Variants in IYD observed in about 807,000 individuals in gnomAD.
IYD encodes iodotyrosine deiodinase, also known as iodotyrosine deiodinase 1.
A neutral mutation model predicts 28.4 loss-of-function variants in IYD; 25 were observed. The observed-to-expected ratio is 0.88, with a 90% CI of 0.64 to 1.23. IYD has a LOEUF of 1.23. IYD is among the 50% of genes most tolerant of loss of function. IYD has a pLI of 0.00. For missense variants in IYD, 352 were observed against 357.9 expected (o/e 0.98, Z 0.13); for synonymous variants, 140 against 130.8 (o/e 1.07, Z -0.48).
chr6:150,394,080 A>T lies in IYD; in HGVS notation c.531-19A>T, dbSNP rs1778221246. 6.2e-7 allele frequency: 1 copy of T among 1,612,830 alleles called. No individual in the cohort carries two copies. Among genetic ancestry groups the T allele is most frequent in the South Asian group, 1.1e-5 (1 of 91,056 alleles). Reference sequence around the variant, plus strand: ...AAAATATGGGCAAATATTATCCTGAATCTCTTTTCTCTTCACAGAACCAAC... The same window carrying T: ...AAAATATGGGCAAATATTATCCTGATTCTCTTTTCTCTTCACAGAACCAAC... On this transcript the variant is annotated intron_variant, in intron 3 of 4. Coordinates refer to ENST00000344419, the MANE Select transcript of IYD (RefSeq NM_203395.3).
intron 2 of IYD, among the ~76,000 whole-genome samples, chr6:150,391,435 C>T (rs1427315824): frequency 2.0e-5 from 3 of 152,162 alleles, no homozygotes; most frequent in African/African-American, 7.2e-5. Flanking sequence ...TTCAAGATTA[C>T]TAAAACAAAT....
intron 3 of IYD, among the ~76,000 whole-genome samples, chr6:150,393,181 AC>A (rs1778188615): frequency 1.3e-5 from 2 of 152,194 alleles, no homozygotes. Flanking sequence ...TGCAATAACC[AC>A]AGGGGGTGGG....
In IYD at chr6:150,402,605, G is replaced by T. The variant is rs1000008153; in HGVS notation, c.*4368G>T. The T allele has an allele frequency of 6.6e-6, 1 of 152,176 alleles. No homozygotes were observed. The highest frequency in any genetic ancestry group is 1.5e-5 in the Non-Finnish European group (1 of 68,032). The allele number at this position is 152,176 out of a possible 1,614,324, so 9.4% of individuals were successfully genotyped here. A position where few individuals can be genotyped will look rare whatever the true frequency, so the allele number is the denominator to read the frequency against. On this transcript the variant is annotated 3_prime_UTR_variant, in exon 5 of 5. Coordinates refer to ENST00000344419, the MANE Select transcript of IYD (RefSeq NM_203395.3). ...AGGCATAAAGATTTTCTTCTGAAAC[G>T]CTAAGATCGGTTGATATTTGTCTAA... is the stretch of plus-strand genomic sequence containing the variant.
chr6:150,383,784 C>A, intron 1 of IYD, among the ~76,000 whole-genome samples: 1 of 107,714 alleles, frequency 9.3e-6, no homozygotes, highest in Non-Finnish European at 1.8e-5. Context: ...CATAATGAGA[C>A]CAAGTCTCTA....
chr6:150,385,266 T>A (rs1472856317), intron 1 of IYD: 1 of 152,198 alleles, frequency 6.6e-6, no homozygotes. Context: ...TATTTAGAAT[T>A]GTGGTGAGAA....
At position 150,369,261 on chromosome 6, in the gene IYD, T is replaced by C. The variant is rs776791955; in HGVS notation, c.178+52T>C. On this transcript the variant is annotated intron_variant, in intron 1 of 4. Coordinates refer to ENST00000344419, the MANE Select transcript of IYD (RefSeq NM_203395.3). Reference sequence around the variant, plus strand: ...CTTCGCTGTCGTGTTGTGTTGATGATGAGTGTGAGTCAATGGCAGGGCTTA... The same window carrying C: ...CTTCGCTGTCGTGTTGTGTTGATGACGAGTGTGAGTCAATGGCAGGGCTTA... The C allele has an allele frequency of 2.6e-6, 4 of 1,560,988 alleles. No individual in the cohort carries two copies. In the East Asian group the frequency reaches 9.0e-5, roughly 35 times the overall value.
At chr6:150,384,636 T>C (rs1471853125) in intron 1 of IYD, 1 of 152,206 alleles carries the variant, frequency 6.6e-6, no homozygotes. Flanking sequence ...TAGAATTTTT[T>C]TCTGTTGAAA....
chr6:150,394,966 T>C (rs1020944778), intron 4 of IYD, among the ~76,000 whole-genome samples: 2 of 152,228 alleles, frequency 1.3e-5, no homozygotes, highest in African/African-American at 4.8e-5. Context: ...TAGCTGGGAC[T>C]ATAGGCAGGC....
At position 150,388,624 on chromosome 6, in the gene IYD, GTTTTTGCTTTCT is replaced by G. The variant is rs1223699860; in HGVS notation, c.179-725_179-714del. On this transcript the variant is annotated intron_variant, in intron 1 of 4. Transcript: ENST00000344419. The stretch of plus-strand genomic sequence containing the variant: ...TCTTTTTCTAGATTTATAGTCTGGA[GTTTTTGCTTTCT>G]TTCTTTCTTTCTTTCTTTCTTTCTT... 1.5e-4 allele frequency among the ~76,000 whole-genome samples: 17 copies of G among 111,340 alleles called. 1 individual carries two copies. The East Asian group carries it at 2.6e-3, about 17-fold the overall frequency. 73.0% of individuals were successfully genotyped at this position (111,340 alleles called of 152,430 possible).
chr6:150,396,740 G>A (rs923377309), intron 4 of IYD: 13 of 242,494 alleles, frequency 5.4e-5, no homozygotes, highest in African/African-American at 1.4e-4. Flanking sequence ...CAGGCGTGGT[G>A]GCGGGCGCCT....
intron 2 of IYD, among the ~76,000 whole-genome samples, chr6:150,391,264 C>A (rs986840262): frequency 1.2e-4 from 18 of 151,026 alleles, no homozygotes; most frequent in African/African-American, 4.4e-4. Flanking sequence ...AATTCCCCAA[C>A]TGTTGTGTGT....
intron 1 of IYD, among the ~76,000 whole-genome samples, chr6:150,380,526 G>C (rs562757057): frequency 9.2e-5 from 14 of 152,110 alleles, no homozygotes; most frequent in African/African-American, 3.4e-4. Flanking sequence ...ATCCTATTTA[G>C]AAAAAAATAA....
Position 150,404,755 on chromosome 6 carries a change from G to A in IYD, c.*6518G>A, listed in dbSNP as rs912694171. The A allele has an allele frequency of 2.0e-5, 3 of 152,292 alleles. No individual in the cohort carries two copies. Among genetic ancestry groups the A allele is most frequent in the East Asian group, 1.9e-4 (1 of 5,184 alleles). The allele number at this position is 152,292 out of a possible 1,614,324, so 9.4% of individuals were successfully genotyped here. A position where few individuals can be genotyped will look rare whatever the true frequency, so the allele number is the denominator to read the frequency against. The stretch of plus-strand genomic sequence containing the variant: ...AGTTTTATAAATAGGATAATAAAAT[G>A]TGTGTATGAGGTCAGAATGCTTTTG... On this transcript the variant is annotated 3_prime_UTR_variant, in exon 5 of 5. Transcript: ENST00000344419.
intron 4 of IYD, among the ~76,000 whole-genome samples, 178 bp from the exon 5 acceptor site, chr6:150,397,877 T>A (rs910433331): frequency 1.3e-5 from 2 of 148,290 alleles, no homozygotes; most frequent in Non-Finnish European, 3.0e-5. Context: ...GTGGGGAGAT[T>A]GATGGGGGCA....
chr6:150,369,937 G>A (rs910861320), intron 1 of IYD: 2 of 701,710 alleles, frequency 2.9e-6, no homozygotes, highest in African/African-American at 1.7e-5. Context: ...GGAGGGAGAG[G>A]GTAAGAATGG....
intron 2 of IYD, among the ~76,000 whole-genome samples, chr6:150,390,872 A>G (rs805988): frequency 0.9 from 136,577 of 152,138 alleles, 61,513 homozygotes; most frequent in African/African-American, 0.98. Context: ...CAAGGTGTGG[A>G]CTGAGAGTTC....
At chr6:150,387,769 C>G (rs2115043430) in intron 1 of IYD, among the ~76,000 whole-genome samples, 1 of 152,098 alleles carries the variant, frequency 6.6e-6, no homozygotes, top group South Asian at 2.1e-4. Context: ...TTTTTCAATT[C>G]CAGAAGTTCT....
chr6:150,385,492 TA>T (rs35069786), intron 1 of IYD, among the ~76,000 whole-genome samples: 40,747 of 150,600 alleles, frequency 0.27, 6,375 homozygotes, highest in African/African-American at 0.43. Flanking sequence ...TTTAATGTGA[TA>T]AAAAAAAAAA....
intron 4 of IYD, chr6:150,396,419 CATT>C (rs1370726633): frequency 2.4e-5 from 16 of 667,674 alleles, no homozygotes; most frequent in Non-Finnish European, 4.0e-5. Context: ...GTCAACTTAA[CATT>C]AATAATATTA....
Sources: gnomAD v4.1 joint callset for allele counts (sites outside exome capture counted in the v4.1 genomes callset) on GRCh38, gnomAD v4.1.1 for gene constraint, MANE v1.5 for transcripts, NCBI Gene and HGNC (gene_info 2026-07-23, HGNC 2026-07-21) for gene names.